KLHL8: variants seen among roughly 807,000 people sequenced by gnomAD.
KLHL8 encodes the protein kelch like family member 8.
A neutral mutation model predicts 63.5 loss-of-function variants in KLHL8; 38 were observed. The observed-to-expected ratio is 0.60, with a 90% CI of 0.46 to 0.78. The LOEUF is 0.78. Among genes scored for constraint, KLHL8 ranks in the 30% least tolerant of loss-of-function variants. The probability of loss-of-function intolerance (pLI) is 0.00; values close to 1 mark genes in which losing one functional copy is unlikely to be tolerated. For synonymous variants in KLHL8, 224 were observed against 254.3 expected (o/e 0.88, Z 1.13); for missense variants, 566 against 752.4 (o/e 0.75, Z 2.90).
At chr4:87,228,112 G>A (rs1733066246) in intron 1 of KLHL8, among the ~76,000 whole-genome samples, 2 of 152,148 alleles carry the variant, frequency 1.3e-5, no homozygotes, top group Admixed American at 6.6e-5. Context: ...AACACCTCCT[G>A]ACTCTATGAG....
chr4:87,231,177 T>G (rs1161859624), intron 1 of KLHL8, among the ~76,000 whole-genome samples: 1 of 152,118 alleles, frequency 6.6e-6, no homozygotes, highest in Non-Finnish European at 1.5e-5. Flanking sequence ...AACTCTGAGG[T>G]GCATTCTGCC....
chr4:87,229,446 G>A lies in KLHL8; in HGVS notation n.58-8056C>T, dbSNP rs960671434. 3.3e-5 allele frequency among the ~76,000 whole-genome samples: 5 copies of A among 150,276 alleles called. No homozygotes were observed. The East Asian group carries it at 5.8e-4, about 18-fold the overall frequency. On this transcript the variant is annotated intron_variant and non_coding_transcript_variant, in intron 1 of 1. Transcript: ENST00000506274. ...TTTTTTTTTTTTTTTGGTGGGGGGG[G>A]GTGCAGGGAACAGGGTCTCACTCTG...
intron 1 of KLHL8, among the ~76,000 whole-genome samples, chr4:87,230,077 T>C (rs1298192615): frequency 2.6e-5 from 4 of 152,012 alleles, no homozygotes; most frequent in Non-Finnish European, 5.9e-5. Flanking sequence ...GAGAGTTTAG[T>C]AAAGGTGTGG....
chr4:87,215,672 G>A (rs1732567956), intron 1 of KLHL8, among the ~76,000 whole-genome samples: 1 of 152,076 alleles, frequency 6.6e-6, no homozygotes, highest in Non-Finnish European at 1.5e-5. Flanking sequence ...ATTATACAAG[G>A]AAAACAGGGC....
chr4:87,163,323 A>G lies in KLHL8; in HGVS notation c.*196T>C, dbSNP rs1730248433. On this transcript the variant is annotated 3_prime_UTR_variant, in exon 10 of 10. Coordinates refer to ENST00000273963, the MANE Select transcript of KLHL8 (RefSeq NM_020803.5). ...CTACTCCATTATTTGCAAAAGCAGGAAGTATCAAATTTAACTCTATTACTA... is the reference window on the plus strand; with the variant it reads ...CTACTCCATTATTTGCAAAAGCAGGGAGTATCAAATTTAACTCTATTACTA... 2 of 449,398 alleles carry G rather than the reference A, an allele frequency of 4.5e-6. No homozygotes were observed. Among genetic ancestry groups the G allele is most frequent in the Non-Finnish European group, 7.7e-6 (2 of 259,944 alleles). 27.8% of individuals were successfully genotyped at this position (449,398 alleles called of 1,614,324 possible). A position where few individuals can be genotyped will look rare whatever the true frequency, so the allele number is the denominator to read the frequency against.
At chr4:87,236,503 G>C (rs1733232146) in intron 1 of KLHL8, among the ~76,000 whole-genome samples, 1 of 151,694 alleles carries the variant, frequency 6.6e-6, no homozygotes, top group Non-Finnish European at 1.5e-5. Flanking sequence ...CACTGTGCCG[G>C]CCTATGAATT....
intron 8 of KLHL8, among the ~76,000 whole-genome samples, chr4:87,169,030 T>C (rs1476329435): frequency 4.0e-5 from 6 of 149,748 alleles, no homozygotes; most frequent in Admixed American, 4.0e-4. Context: ...CTAGGCCAGG[T>C]GTGGTGGCTC....
intron 2 of KLHL8, among the ~76,000 whole-genome samples, chr4:87,186,189 C>T (rs1244908106): frequency 1.3e-5 from 2 of 151,964 alleles, no homozygotes; most frequent in Non-Finnish European, 2.9e-5. Context: ...CAGGCGTGCA[C>T]CACCACGCCT....
At chr4:87,164,220 C>A in intron 8 of KLHL8, 141 bp from the exon 9 acceptor site, 1 of 683,712 alleles carries the variant, frequency 1.5e-6, no homozygotes, top group Non-Finnish European at 2.4e-6. Flanking sequence ...AAATTCATCC[C>A]AATACCTGTC....
chr4:87,206,272 C>A (rs185575835), intron 1 of KLHL8, among the ~76,000 whole-genome samples: 1 of 152,304 alleles, frequency 6.6e-6, no homozygotes, highest in African/African-American at 2.4e-5. Context: ...TTCCTCCTTG[C>A]CATCAATAAA....
At chr4:87,191,678 G>A (rs1731494612) in intron 2 of KLHL8, among the ~76,000 whole-genome samples, 1 of 151,978 alleles carries the variant, frequency 6.6e-6, no homozygotes, top group Non-Finnish European at 1.5e-5. Context: ...GAGGTTTGGT[G>A]TATAAATGAA....
chr4:87,177,408 G>C lies in KLHL8; in HGVS notation c.1097-540C>G, dbSNP rs533473579. Among the ~76,000 whole-genome samples the C allele has an allele frequency of 2.6e-5, 4 of 151,986 alleles. No homozygotes were observed. In the South Asian group the frequency reaches 8.3e-4, roughly 32 times the overall value. On this transcript the variant is annotated intron_variant, in intron 5 of 9. Coordinates refer to ENST00000273963, the MANE Select transcript of KLHL8 (RefSeq NM_020803.5). ...TGTAATCCCAGCTACTTGGGAGGCC[G>C]AGGCAGAATTGCCTGAACCTGGGAA... is the stretch of plus-strand genomic sequence containing the variant.
chr4:87,222,985 C>T (rs1380354470), upstream of KLHL8, among the ~76,000 whole-genome samples: 1 of 152,102 alleles, frequency 6.6e-6, no homozygotes, highest in African/African-American at 2.4e-5. Context: ...CAGAGTCTCA[C>T]TCTGTTGCCT....
chr4:87,233,897 G>T (rs1263217514), intron 1 of KLHL8, among the ~76,000 whole-genome samples: 1 of 152,068 alleles, frequency 6.6e-6, no homozygotes, highest in African/African-American at 2.4e-5. Flanking sequence ...CAGGCTAAAT[G>T]TATCTTTTAG....
At chr4:87,198,695 G>GC (rs1731794435) in intron 1 of KLHL8, among the ~76,000 whole-genome samples, 1 of 152,216 alleles carries the variant, frequency 6.6e-6, no homozygotes, top group Non-Finnish European at 1.5e-5. Context: ...TAAATGAGTA[G>GC]CACAAGAGAT....
intron 1 of KLHL8, among the ~76,000 whole-genome samples, chr4:87,202,122 A>G (rs1161210769): frequency 6.6e-6 from 1 of 152,094 alleles, no homozygotes. Context: ...AAAAAAGAGA[A>G]AGTATTAAAT....
intron 4 of KLHL8, among the ~76,000 whole-genome samples, chr4:87,181,272 C>CA (rs1291883588): frequency 1.3e-3 from 137 of 101,674 alleles, no homozygotes; most frequent in South Asian, 4.3e-3. Flanking sequence ...AGTAAAAATA[C>CA]AAAAAAAAAA....
At chr4:87,208,027 A>G in intron 1 of KLHL8, 1 of 675,724 alleles carries the variant, frequency 1.5e-6, no homozygotes, top group Non-Finnish European at 2.7e-6. Flanking sequence ...TTCTTGGTAT[A>G]GCGATGAATT....
intron 3 of KLHL8, 69 bp from the exon 4 acceptor site, chr4:87,183,458 T>G: frequency 1.6e-6 from 2 of 1,240,054 alleles, no homozygotes; most frequent in Non-Finnish European, 1.1e-6. Flanking sequence ...GTCTAAAAAT[T>G]GTATCAAATA....
Sources: allele counts gnomAD v4.1 joint callset (sites outside exome capture counted in the v4.1 genomes callset), GRCh38; gene constraint gnomAD v4.1.1; transcripts MANE v1.5; gene names NCBI Gene and HGNC (gene_info 2026-07-23, HGNC 2026-07-21).